Variants in LRRC7 observed in about 807,000 individuals in gnomAD.
The protein encoded by LRRC7 is leucine rich repeat containing 7.
In LRRC7, 23 loss-of-function variants were observed where a neutral mutation model predicts 175.7. The observed-to-expected ratio is 0.13, with a 90% confidence interval of 0.09 to 0.19. The LOEUF (loss-of-function observed/expected upper bound fraction) is 0.19. Ranked by LOEUF, LRRC7 falls within the 10% of genes least tolerant of loss-of-function variation. The probability of loss-of-function intolerance (pLI) is 1.00; values close to 1 mark genes in which losing one functional copy is unlikely to be tolerated. For missense variants in LRRC7, 1,354 were observed against 1,904.7 expected (o/e 0.71, Z 5.38); for synonymous variants, 685 against 680.9 (o/e 1.01, Z -0.09).
chr1:69,860,998 T>A (rs984902585), intron 7 of LRRC7, among the ~76,000 whole-genome samples: 3 of 152,128 alleles, frequency 2.0e-5, no homozygotes, highest in Admixed American at 1.3e-4. Flanking sequence ...TTTGGGTCAC[T>A]TGAGGCTCAG....
chr1:70,037,905 G>A (rs1367268760), intron 20 of LRRC7, among the ~76,000 whole-genome samples: 1 of 151,930 alleles, frequency 6.6e-6, no homozygotes, highest in Non-Finnish European at 1.5e-5. Flanking sequence ...ATATTAGAAG[G>A]TGATTATTAC....
intron 7 of LRRC7, among the ~76,000 whole-genome samples, chr1:69,854,621 A>T (rs1157597931): frequency 6.6e-6 from 1 of 152,202 alleles, no homozygotes; most frequent in African/African-American, 2.4e-5. Context: ...ATATCCAGAT[A>T]TCTTTACACT....
chr1:69,796,880 T>C (rs1464421815), intron 4 of LRRC7, among the ~76,000 whole-genome samples: 1 of 152,146 alleles, frequency 6.6e-6, no homozygotes, highest in African/African-American at 2.4e-5. Context: ...ACTGTATACA[T>C]AAGGAGAATT....
rs1646377299 is a variant in LRRC7 at position 69,585,704 on chromosome 1, AG to A, written c.2+17064del. On this transcript the variant is annotated intron_variant, in intron 1 of 26. Coordinates refer to ENST00000651989, the MANE Select transcript of LRRC7 (RefSeq NM_001370785.2). Reference sequence around the variant, plus strand: ...CTGCAGATGTCAAGAATAAGTTGTGAGCTATCACAGTAAACATTTCTTGGAA... The same window carrying A: ...CTGCAGATGTCAAGAATAAGTTGTGACTATCACAGTAAACATTTCTTGGAA... 3.3e-5 allele frequency among the ~76,000 whole-genome samples: 5 copies of A among 152,342 alleles called. No homozygotes were observed. In the South Asian group the frequency reaches 1.0e-3, roughly 32 times the overall value.
intron 8 of LRRC7, among the ~76,000 whole-genome samples, chr1:69,932,898 G>C (rs960211319): frequency 6.6e-6 from 1 of 152,246 alleles, no homozygotes; most frequent in African/African-American, 2.4e-5. Context: ...AGCTGATGCT[G>C]CGTCCTGTTA....
intron 1 of LRRC7, chr1:69,608,101 GT>G (rs1647931589): frequency 6.6e-6 from 1 of 152,636 alleles, no homozygotes; most frequent in African/African-American, 2.4e-5. Context: ...CTCACTTTGG[GT>G]TTTTCATTTC....
intron 1 of LRRC7, among the ~76,000 whole-genome samples, chr1:69,571,548 A>C (rs936026837): frequency 3.9e-5 from 6 of 152,130 alleles, no homozygotes; most frequent in Non-Finnish European, 5.9e-5. Flanking sequence ...GTACTTGTAG[A>C]TCTCTCTTAT....
intron 1 of LRRC7, among the ~76,000 whole-genome samples, chr1:69,585,601 T>C (rs1389669965): frequency 6.6e-6 from 1 of 152,202 alleles, no homozygotes; most frequent in Non-Finnish European, 1.5e-5. Context: ...TGAAAATAAT[T>C]CCCATCATAT....
chr1:69,888,819 A>G (rs766061464), intron 7 of LRRC7, among the ~76,000 whole-genome samples: 2 of 152,180 alleles, frequency 1.3e-5, no homozygotes, highest in Non-Finnish European at 2.9e-5. Flanking sequence ...ACAAACTTGC[A>G]GTTGTAAAAT....
chr1:69,923,949 G>A (rs1166099361), intron 7 of LRRC7, among the ~76,000 whole-genome samples: 2 of 151,672 alleles, frequency 1.3e-5, no homozygotes, highest in African/African-American at 2.4e-5. Context: ...TAACATTTAA[G>A]TCTTTAATCC....
At chr1:69,679,725 G>T (rs1261596200) in intron 2 of LRRC7, among the ~76,000 whole-genome samples, 3 of 152,028 alleles carry the variant, frequency 2.0e-5, no homozygotes, top group African/African-American at 7.2e-5. Flanking sequence ...TTAGTCTCTG[G>T]TACAGTTCTG....
chr1:69,581,734 G>T (rs1247547896), intron 1 of LRRC7, among the ~76,000 whole-genome samples: 1 of 152,102 alleles, frequency 6.6e-6, no homozygotes, highest in African/African-American at 2.4e-5. Context: ...AATTGGGTAT[G>T]CATTAGAGTG....
At chr1:69,812,076 T>C (rs1677956897) in intron 4 of LRRC7, among the ~76,000 whole-genome samples, 1 of 152,036 alleles carries the variant, frequency 6.6e-6, no homozygotes, top group African/African-American at 2.4e-5. Flanking sequence ...AAGAAAAATA[T>C]AGAACAAATG....
intron 9 of LRRC7, among the ~76,000 whole-genome samples, chr1:69,985,193 T>C (rs1357374071): frequency 1.3e-5 from 2 of 152,206 alleles, no homozygotes; most frequent in African/African-American, 4.8e-5. Flanking sequence ...ATAAAAACTT[T>C]GTCTTCATCA....
rs192878220 is a variant in LRRC7 at position 69,625,041 on chromosome 1, T to C, written c.3-53340T>C. Among the ~76,000 whole-genome samples, 36 of 152,242 alleles carry C rather than the reference T, an allele frequency of 2.4e-4. No individual in the cohort carries two copies. In the East Asian group the frequency reaches 6.8e-3, roughly 29 times the overall value. ...AAAGACCTCAAAAAATTGTCATTTTTATTGAGAAAATTTGTATAAGGCTGG... is the reference window on the plus strand; with the variant it reads ...AAAGACCTCAAAAAATTGTCATTTTCATTGAGAAAATTTGTATAAGGCTGG... On this transcript the variant is annotated intron_variant, in intron 1 of 26. Coordinates refer to ENST00000651989, the MANE Select transcript of LRRC7 (RefSeq NM_001370785.2).
intron 7 of LRRC7, among the ~76,000 whole-genome samples, chr1:69,899,936 A>G (rs1453681792): frequency 6.6e-6 from 1 of 152,188 alleles, no homozygotes; most frequent in Non-Finnish European, 1.5e-5. Context: ...TTTATAAATG[A>G]CCCAGTCCGT....
chr1:69,684,278 G>C (rs1320174374), intron 2 of LRRC7, among the ~76,000 whole-genome samples: 1 of 152,082 alleles, frequency 6.6e-6, no homozygotes, highest in Non-Finnish European at 1.5e-5. Context: ...ATTTTAGAAT[G>C]AATGAGAATG....
intron 7 of LRRC7, among the ~76,000 whole-genome samples, chr1:69,910,673 G>C (rs1646495979): frequency 6.6e-6 from 1 of 152,212 alleles, no homozygotes; most frequent in Admixed American, 6.5e-5. Context: ...GAGGCAGTCT[G>C]CCCGCTCTCA....
intron 1 of LRRC7, among the ~76,000 whole-genome samples, chr1:69,617,547 TAAAAAAAAAAAAA>T (rs11473590): frequency 1.6e-5 from 1 of 62,008 alleles, no homozygotes; most frequent in Non-Finnish European, 3.0e-5. Flanking sequence ...ATACTCACAG[TAAAAAAAAAAAAA>T]AAAAAAAAAA....
Sources: gnomAD v4.1 joint callset for allele counts (sites outside exome capture counted in the v4.1 genomes callset) on GRCh38, gnomAD v4.1.1 for gene constraint, MANE v1.5 for transcripts, NCBI Gene and HGNC (gene_info 2026-07-23, HGNC 2026-07-21) for gene names.